The following OSBPL1A variants were observed in gnomAD, a reference collection of about 807,000 sequenced individuals.
OSBPL1A encodes the protein oxysterol-binding protein-related protein 1.
In OSBPL1A, 80 loss-of-function variants were observed where a neutral mutation model predicts 137.1. The observed-to-expected ratio is 0.58, with a 90% CI of 0.49 to 0.70. The LOEUF is 0.70. Ranked by LOEUF, OSBPL1A falls within the 30% of genes least tolerant of loss-of-function variation. OSBPL1A has a pLI of 0.00. For synonymous variants in OSBPL1A, 365 were observed against 389.7 expected, an observed-to-expected ratio of 0.94 and a Z score of 0.75; for missense variants, 970 against 1,129.4, an observed-to-expected ratio of 0.86 and a Z score of 2.02.
intron 15 of OSBPL1A, among the ~76,000 whole-genome samples, chr18:24,245,008 A>T (rs2088838948): frequency 6.6e-6 from 1 of 152,250 alleles, no homozygotes; most frequent in Non-Finnish European, 1.5e-5. Flanking sequence ...CACTCTGGTC[A>T]GTTCAACAGG....
At chr18:24,242,230 C>CAT (rs959348790) in intron 15 of OSBPL1A, among the ~76,000 whole-genome samples, 27 of 149,534 alleles carry the variant, frequency 1.8e-4, no homozygotes, top group Admixed American at 8.7e-4. Context: ...TACCATGGCA[C>CAT]ATATATATAT....
intron 15 of OSBPL1A, among the ~76,000 whole-genome samples, chr18:24,243,712 T>C (rs143871341): frequency 6.2e-4 from 94 of 152,350 alleles, no homozygotes; most frequent in African/African-American, 2.2e-3. Flanking sequence ...ACTGAGGCTC[T>C]AGCCACATTC....
chr18:24,254,675 C>T (rs142267770), intron 15 of OSBPL1A, among the ~76,000 whole-genome samples: 390 of 151,688 alleles, frequency 2.6e-3, no homozygotes, highest in African/African-American at 9.2e-3. Flanking sequence ...TGAGATACAG[C>T]GAAAGCAGTA....
At chr18:24,237,836 C>T (rs1567966681) in intron 16 of OSBPL1A, among the ~76,000 whole-genome samples, 1 of 152,178 alleles carries the variant, frequency 6.6e-6, no homozygotes, top group African/African-American at 2.4e-5. Flanking sequence ...AAATACTTCC[C>T]TTGCCTTGTC....
chr18:24,386,832 G>A (rs887955415), intron 1 of OSBPL1A, among the ~76,000 whole-genome samples: 4 of 152,006 alleles, frequency 2.6e-5, no homozygotes, highest in African/African-American at 7.3e-5. Context: ...GGTGGCATGC[G>A]CCTGTAGTCA....
intron 15 of OSBPL1A, among the ~76,000 whole-genome samples, chr18:24,248,499 A>C (rs1406386547): frequency 6.6e-6 from 1 of 152,232 alleles, no homozygotes; most frequent in African/African-American, 2.4e-5. Flanking sequence ...AATGCCACTC[A>C]GAATGACCTC....
intron 1 of OSBPL1A, among the ~76,000 whole-genome samples, chr18:24,380,952 CAAAAAAA>C (rs60495683): frequency 1.6e-5 from 2 of 123,206 alleles, no homozygotes; most frequent in Non-Finnish European, 1.8e-5. Context: ...AATTCCATCT[CAAAAAAA>C]AAAAAAAAAG....
intron 14 of OSBPL1A, among the ~76,000 whole-genome samples, chr18:24,289,027 G>C (rs781754050): frequency 6.6e-6 from 1 of 152,032 alleles, no homozygotes; most frequent in South Asian, 2.1e-4. Flanking sequence ...GAAAGAGGAA[G>C]AACAATGACT....
intron 17 of OSBPL1A, among the ~76,000 whole-genome samples, chr18:24,216,371 G>A (rs1317273081): frequency 1.3e-5 from 2 of 152,212 alleles, no homozygotes; most frequent in Admixed American, 6.5e-5. Flanking sequence ...GCTGGGCGTG[G>A]CAGCGTGTGC....
intron 15 of OSBPL1A, among the ~76,000 whole-genome samples, chr18:24,265,581 C>T (rs2089550183): frequency 6.6e-6 from 1 of 152,224 alleles, no homozygotes; most frequent in Non-Finnish European, 1.5e-5. Context: ...CAACAAAAAT[C>T]TCCCTCACAG....
At chr18:24,237,313 TTTTG>T (rs915677639) in intron 16 of OSBPL1A, among the ~76,000 whole-genome samples, 6 of 152,152 alleles carry the variant, frequency 3.9e-5, no homozygotes, top group African/African-American at 1.4e-4. Flanking sequence ...AAAGGTTTTT[TTTTG>T]TTTGAGACAG....
chr18:24,225,018 G>T, intron 17 of OSBPL1A, 24 bp downstream of exon 17: 1 of 1,613,046 alleles, frequency 6.2e-7, no homozygotes, highest in South Asian at 1.1e-5. Flanking sequence ...ACGCAGCAGT[G>T]ACAACTGTCA....
intron 13 of OSBPL1A, among the ~76,000 whole-genome samples, chr18:24,310,935 A>T (rs965440797): frequency 5.9e-5 from 9 of 152,136 alleles, no homozygotes; most frequent in Admixed American, 5.2e-4. Context: ...AATGTTACTT[A>T]AATGCTGTAG....
intron 13 of OSBPL1A, among the ~76,000 whole-genome samples, chr18:24,309,952 C>T (rs767550077): frequency 5.5e-4 from 82 of 148,302 alleles, no homozygotes; most frequent in Non-Finnish European, 1.1e-3. Flanking sequence ...GAGGCTGAGG[C>T]GAGAAGATCG....
At chr18:24,225,274 A>G (rs1168190270) in intron 16 of OSBPL1A, 76 bp from the exon 17 acceptor site, 5 of 1,522,874 alleles carry the variant, frequency 3.3e-6, no homozygotes, top group African/African-American at 2.7e-5. Context: ...CCCTCCCTTC[A>G]TGCCTCAGGC....
chr18:24,283,264 C>CAAAAAA (rs67218844), intron 14 of OSBPL1A, among the ~76,000 whole-genome samples: 1,700 of 30,458 alleles, frequency 0.056, 188 homozygotes, highest in Non-Finnish European at 0.083. Context: ...GACTCCATCT[C>CAAAAAA]AAAAAAAAAA....
chr18:24,368,848 C>G (rs1258919743), intron 2 of OSBPL1A, among the ~76,000 whole-genome samples: 1 of 152,158 alleles, frequency 6.6e-6, no homozygotes, highest in Non-Finnish European at 1.5e-5. Flanking sequence ...TCCTGCAGCA[C>G]CTGTGATGTG....
At chr18:24,260,076 T>A (rs1567982888) in intron 15 of OSBPL1A, among the ~76,000 whole-genome samples, 1 of 152,036 alleles carries the variant, frequency 6.6e-6, no homozygotes, top group Admixed American at 6.6e-5. Flanking sequence ...CATGAAAAGA[T>A]GAGTTCAACA....
chr18:24,312,943 G>A (rs954315155), intron 12 of OSBPL1A, among the ~76,000 whole-genome samples: 1 of 151,668 alleles, frequency 6.6e-6, no homozygotes, highest in African/African-American at 2.4e-5. Flanking sequence ...GGCCAACATG[G>A]TGAAACCCCA....
Sources: allele counts gnomAD v4.1 joint callset (sites outside exome capture counted in the v4.1 genomes callset), GRCh38; gene constraint gnomAD v4.1.1; transcripts MANE v1.5; gene names NCBI Gene and HGNC (gene_info 2026-07-23, HGNC 2026-07-21).